Variants in TBX2 observed in about 807,000 individuals in gnomAD.
The protein encoded by TBX2 is T-box transcription factor 2, also known as T-box transcription factor TBX2.
TBX2 carries 19 observed loss-of-function variants against 48.4 expected under a neutral mutation model. The observed-to-expected ratio is 0.39, with a 90% CI of 0.27 to 0.58. TBX2 has a LOEUF of 0.58. Ranked by LOEUF, TBX2 falls within the 20% of genes least tolerant of loss-of-function variation. The pLI is 0.54. For missense variants in TBX2, 994 were observed against 1,006.5 expected (o/e 0.99, Z 0.17); for synonymous variants, 522 against 459.7 (o/e 1.14, Z -1.73).
chr17:61,402,925 A>T, intron 2 of TBX2, 136 bp from the exon 3 acceptor site: 1 of 760,438 alleles, frequency 1.3e-6, no homozygotes, highest in Non-Finnish European at 1.9e-6. Flanking sequence ...AAGAGGAAGA[A>T]CCGATAGAGA....
intron 2 of TBX2, 90 bp from the exon 3 acceptor site, chr17:61,402,950 GAGAGAGAGAGAGAGAGAGAGA>G (rs202026270): frequency 0.097 from 83,632 of 858,470 alleles, 2,102 homozygotes; most frequent in South Asian, 0.11. Context: ...GAGAGAGAGA[GAGAGAGAGAGAGAGAGAGAGA>G]AAGTGGAGAG....
At position 61,408,446 on chromosome 17, in the gene TBX2, A is replaced by G. The variant is rs549041111; in HGVS notation, c.2079A>G (p.Arg693=). The part of the protein sequence containing the change: ...EAANELQSIQ[R]LVSGLESQRA... ...CCAATGAACTGCAGAGCATCCAGAGACTGGTGAGTGGGCTGGAGAGCCAGC... is the reference window on the plus strand; with the variant it reads ...CCAATGAACTGCAGAGCATCCAGAGGCTGGTGAGTGGGCTGGAGAGCCAGC... Residue 693 remains arginine (R), a synonymous_variant, in exon 7 of 7, where the codon AGA becomes AGG. Coordinates refer to ENST00000240328, the MANE Select transcript of TBX2 (RefSeq NM_005994.4). 9 of 1,499,266 alleles carry G rather than the reference A, an allele frequency of 6.0e-6. 1 individual carries two copies. The South Asian group carries it at 1.2e-4, about 20-fold the overall frequency. 92.9% of individuals were successfully genotyped at this position (1,499,266 alleles called of 1,614,324 possible). A position where few individuals can be genotyped will look rare whatever the true frequency, so the allele number is the denominator to read the frequency against.
At chr17:61,404,868 C>T in intron 5 of TBX2, 99 bp downstream of exon 5, 1 of 1,490,602 alleles carries the variant, frequency 6.7e-7, no homozygotes, top group Non-Finnish European at 9.0e-7. Context: ...CCTGAAAGGC[C>T]AGGAAGGAAA....
chr17:61,405,098 T>C (rs1210187497), intron 5 of TBX2, 104 bp from the exon 6 acceptor site: 1 of 1,503,424 alleles, frequency 6.7e-7, no homozygotes, highest in African/African-American at 1.4e-5. Flanking sequence ...CTCCAGCAGC[T>C]CCTCCGACTC....
At position 61,403,540 on chromosome 17, in the gene TBX2, A is replaced by G. The variant is rs2060274294; in HGVS notation, c.810+333A>G. On this transcript the variant is annotated intron_variant, in intron 3 of 6. Transcript: ENST00000240328. This position sits in a 1 kb window ranked among gnomAD's most constrained non-coding sequence, Gnocchi z 5.8. ...TTATTCGTTTATTTCTTGGCTCAGG[A>G]ATGAGAATGTAAGTGAAGAGAGGGC... 6.6e-6 allele frequency among the ~76,000 whole-genome samples: 1 copy of G among 152,104 alleles called. No individual in the cohort carries two copies. The highest frequency in any genetic ancestry group is 1.5e-5 in the Non-Finnish European group (1 of 68,028).
In TBX2 at chr17:61,400,240, G is replaced by T. The variant is rs771778245; in HGVS notation, c.64G>T (p.Ala22Ser). Residue 22 changes from alanine (A) to serine (S), a missense_variant, in exon 1 of 7, where the codon GCC becomes TCC. Physicochemically the swap from Ala to Ser is moderately conservative, Grantham distance 99 (BLOSUM62 1). Transcript: ENST00000240328. The surrounding 1 kb of genome is among the most constrained non-coding windows in gnomAD (Gnocchi z 9.2). The part of the protein sequence containing the change: ...AYHPFHAPRP[A>S]DFPMSAFLAA... Reference sequence around the variant, plus strand: ...CCACCCGTTCCACGCGCCACGGCCCGCCGACTTCCCCATGTCCGCCTTTCT... The same window carrying T: ...CCACCCGTTCCACGCGCCACGGCCCTCCGACTTCCCCATGTCCGCCTTTCT... 2 of 1,214,234 alleles carry T rather than the reference G, an allele frequency of 1.6e-6. No individual in the cohort carries two copies. The highest frequency in any genetic ancestry group is 1.5e-5 in the South Asian group (1 of 65,600). The allele number at this position is 1,214,234 out of a possible 1,614,324, so 75.2% of individuals were successfully genotyped here. A position where few individuals can be genotyped will look rare whatever the true frequency, so the allele number is the denominator to read the frequency against.
chr17:61,400,368 G>A lies in TBX2; in HGVS notation c.192G>A (p.Ala64=), dbSNP rs1031103582. 1.5e-4 allele frequency: 155 copies of A among 1,060,750 alleles called. No homozygotes were observed. The highest frequency in any genetic ancestry group is 1.4e-4 in the Non-Finnish European group (123 of 881,196). The allele number at this position is 1,060,750 out of a possible 1,614,324, so 65.7% of individuals were successfully genotyped here. Reference sequence around the variant, plus strand: ...GCCTGGCGGGGGCGGCGGCCGCGGCGGCGGCGGCGGCAGCAGCGGCCGAGG... The same window carrying A: ...GCCTGGCGGGGGCGGCGGCCGCGGCAGCGGCGGCGGCAGCAGCGGCCGAGG... ...DPGLAGAAAA[A]AAAAAAAEAG... The change falls in exon 1 of 7, where the codon GCG becomes GCA. Residue 64 remains alanine, a synonymous_variant. Transcript: ENST00000240328. This position sits in a 1 kb window ranked among gnomAD's most constrained non-coding sequence, Gnocchi z 9.2.
rs146171999 is a variant in TBX2, at chr17:61,404,629, T to C, written c.911T>C (p.Leu304Pro). Reference protein sequence around the residue: ...EKRKQLTLPSLRLYEEHCKPE... With the variant: ...EKRKQLTLPSPRLYEEHCKPE... ...AGGAAGCAGCTGACGCTGCCGTCTC[T>C]ACGCTTGTACGAGGAGCACTGCAAA... Residue 304 changes from leucine (L) to proline (P), a missense_variant, in exon 5 of 7, where the codon CTA becomes CCA. Coordinates refer to ENST00000240328, the MANE Select transcript of TBX2 (RefSeq NM_005994.4). 3.6e-5 allele frequency: 57 copies of C among 1,581,450 alleles called. 2 individuals carry two copies. In the South Asian group the frequency reaches 4.9e-4, roughly 14 times the overall value.
Position 61,404,682 on chromosome 17 carries a change from G to T in TBX2, c.964G>T (p.Ala322Ser), listed in dbSNP as rs1164565625. 3 of 1,581,316 alleles carry T rather than the reference G, an allele frequency of 1.9e-6. No homozygotes were observed. The South Asian group carries it at 3.4e-5, about 18-fold the overall frequency. ...KPERDGAESD[A>S]SSCDPPPARE... ...CGAGCGCGATGGCGCGGAGTCAGAC[G>T]CCTCGTCGTGCGACCCTCCCCCCGC... is the stretch of plus-strand genomic sequence containing the variant. The change falls in exon 5 of 7, where the codon GCC becomes TCC. Residue 322 changes from alanine to serine, a missense_variant. Physicochemically the swap from Ala to Ser is moderately conservative, Grantham distance 99. This residue lies in a region of TBX2 where 639 missense variants were observed against 613.2 expected (regional missense o/e 1.04). Coordinates refer to ENST00000240328, the MANE Select transcript of TBX2 (RefSeq NM_005994.4).
rs535294444 is a variant in TBX2, at chr17:61,405,216, T to C, written c.1066T>C (p.Cys356Arg). The C allele has an allele frequency of 3.2e-6, 5 of 1,546,014 alleles. No homozygotes were observed. Among genetic ancestry groups the C allele is most frequent in the Non-Finnish European group, 4.3e-6 (5 of 1,155,442 alleles). Residue 356 changes from cysteine to arginine, a missense_variant, in exon 6 of 7, where the codon TGC (cysteine) becomes CGC (arginine). Cys to Arg is a radical substitution (Grantham distance 180, BLOSUM62 -3). Around this residue, in one of 5 missense-constraint regions of TBX2, gnomAD observed 639 missense variants for 613.2 expected, o/e 1.04. Coordinates refer to ENST00000240328, the MANE Select transcript of TBX2 (RefSeq NM_005994.4). ...LHRARAEEKS[C>R]AADSDPEPER... ...TCTCCCCGCAGCTGAGGAGAAGTCG[T>C]GCGCCGCGGACAGCGACCCGGAGCC...
intron 3 of TBX2, 53 bp from the exon 4 acceptor site, chr17:61,404,366 GAC>G (rs2060278496): frequency 6.5e-7 from 1 of 1,537,988 alleles, no homozygotes; most frequent in South Asian, 1.2e-5. Flanking sequence ...GGGTGCCACC[GAC>G]CACGCTGGAA....
At position 61,408,347 on chromosome 17, in the gene TBX2, C is replaced by A; in HGVS notation, c.1980C>A (p.Pro660=). ...ACAGCCGGGAGCCTAGCCCCCTGCC[C>A]GAGCTGGCTCTCCGCAAAGTAGGGG... ...GGNSREPSPL[P]ELALRKVGAP... is the part of the protein sequence containing the mutation. The change falls in exon 7 of 7, where the codon CCC becomes CCA. Residue 660 remains proline, a synonymous_variant. Coordinates refer to ENST00000240328, the MANE Select transcript of TBX2 (RefSeq NM_005994.4). 1 of 1,596,246 alleles carries A rather than the reference C, an allele frequency of 6.3e-7. No homozygotes were observed. Among genetic ancestry groups the A allele is most frequent in the African/African-American group, 1.3e-5 (1 of 74,330 alleles).
At position 61,408,275 on chromosome 17, in the gene TBX2, C is replaced by G; in HGVS notation, c.1908C>G (p.Leu636=). Residue 636 remains leucine (L), a synonymous_variant, in exon 7 of 7, where the codon CTC becomes CTG. Transcript: ENST00000240328. ...IPVTIPPSTS[L]LTTGLASEGS... ...TCACCATCCCGCCTAGCACTAGCCT[C>G]CTCACCACCGGGCTGGCCTCTGAGG... The G allele has an allele frequency of 6.2e-7, 1 of 1,612,786 alleles. No individual in the cohort carries two copies. Among genetic ancestry groups the G allele is most frequent in the Non-Finnish European group, 8.5e-7 (1 of 1,179,924 alleles).
In TBX2 at chr17:61,401,611, T is replaced by C. The variant is rs142289417; in HGVS notation, c.396-73T>C. 3,090 of 1,531,720 alleles carry C rather than the reference T, an allele frequency of 2.0e-3. 9 individuals are homozygous for C. Among genetic ancestry groups the C allele is most frequent in the Admixed American group, 4.4e-3 (229 of 52,594 alleles). The allele number at this position is 1,531,720 out of a possible 1,614,324, so 94.9% of individuals were successfully genotyped here. A position where few individuals can be genotyped will look rare whatever the true frequency, so the allele number is the denominator to read the frequency against. Reference sequence around the variant, plus strand: ...GGTGTGCGCAACGAGGAGGGATAAATAAAGGAGGAGTGGGGTCCTGGAACC... The same window carrying C: ...GGTGTGCGCAACGAGGAGGGATAAACAAAGGAGGAGTGGGGTCCTGGAACC... On this transcript the variant is annotated intron_variant, in intron 1 of 6. Coordinates refer to ENST00000240328, the MANE Select transcript of TBX2 (RefSeq NM_005994.4).
At position 61,403,320 on chromosome 17, in the gene TBX2, G is replaced by A; in HGVS notation, c.810+113G>A. Reference sequence around the variant, plus strand: ...CCCCCTGCACGGGATCCGCGCTCTTGCGGCCCGCCCCCGAGCACCGAGCCT... The same window carrying A: ...CCCCCTGCACGGGATCCGCGCTCTTACGGCCCGCCCCCGAGCACCGAGCCT... On this transcript the variant is annotated intron_variant, in intron 3 of 6. Transcript: ENST00000240328. This position sits in a 1 kb window ranked among gnomAD's most constrained non-coding sequence, Gnocchi z 5.8. The A allele has an allele frequency of 2.0e-6, 3 of 1,493,284 alleles. No homozygotes were observed. The highest frequency in any genetic ancestry group is 2.7e-6 in the Non-Finnish European group (3 of 1,121,530). 92.5% of individuals were successfully genotyped at this position (1,493,284 alleles called of 1,614,324 possible).
intron 1 of TBX2, 53 bp from the exon 2 acceptor site, chr17:61,401,631 G>A: frequency 6.4e-7 from 1 of 1,567,084 alleles, no homozygotes; most frequent in South Asian, 1.2e-5. Context: ...GTGGGGTCCT[G>A]GAACCTAGAA....
chr17:61,406,805 G>A lies in TBX2; in HGVS notation c.1686+969G>A, dbSNP rs2060291042. ...GTTTTACACACAGCTCAGTGTTAGG[G>A]TGTGTGGAGTGTTTGAGGTATCACC... is the stretch of plus-strand genomic sequence containing the variant. On this transcript the variant is annotated intron_variant, in intron 6 of 6. Transcript: ENST00000240328. The surrounding 1 kb of genome is among the most constrained non-coding windows in gnomAD (Gnocchi z 5.7). 1 of 152,222 alleles carries A rather than the reference G, an allele frequency of 6.6e-6. No homozygotes were observed. Among genetic ancestry groups the A allele is most frequent in the Non-Finnish European group, 1.5e-5 (1 of 68,038 alleles). 9.4% of individuals were successfully genotyped at this position (152,222 alleles called of 1,614,324 possible).
chr17:61,406,212 AT>A lies in TBX2; in HGVS notation c.1686+381del. On this transcript the variant is annotated intron_variant, in intron 6 of 6. Coordinates refer to ENST00000240328, the MANE Select transcript of TBX2 (RefSeq NM_005994.4). This position sits in a 1 kb window ranked among gnomAD's most constrained non-coding sequence, Gnocchi z 5.7. ...AAGTCTTCTCTCCTGGCCTCAGGAC[AT>A]TTTTCTTGAGAACAAAGACCCTTGG... The A allele has an allele frequency of 4.8e-6, 1 of 208,646 alleles. No homozygotes were observed. The highest frequency in any genetic ancestry group is 1.0e-4 in the East Asian group (1 of 9,774). 12.9% of individuals were successfully genotyped at this position (208,646 alleles called of 1,614,324 possible). A position where few individuals can be genotyped will look rare whatever the true frequency, so the allele number is the denominator to read the frequency against.
chr17:61,403,172 G>A lies in TBX2; in HGVS notation c.775G>A (p.Asp259Asn), dbSNP rs2060272148. ...TFRTYVFPET[D>N]FIAVTAYQND... ...CCGCACCTACGTGTTCCCGGAGACC[G>A]ACTTCATCGCCGTCACTGCCTACCA... The change falls in exon 3 of 7, where the codon GAC becomes AAC. Residue 259 changes from aspartate to asparagine, a missense_variant. Physicochemically the swap from Asp to Asn is conservative, Grantham distance 23 (BLOSUM62 1). This residue lies in a region of TBX2 where 153 missense variants were observed against 166.2 expected (regional missense o/e 0.92). Transcript: ENST00000240328. The surrounding 1 kb of genome is among the most constrained non-coding windows in gnomAD (Gnocchi z 5.8). 3.7e-6 allele frequency: 6 copies of A among 1,613,510 alleles called. No homozygotes were observed. Among genetic ancestry groups the A allele is most frequent in the Non-Finnish European group, 5.1e-6 (6 of 1,180,002 alleles).
Sources: allele counts gnomAD v4.1 joint callset (sites outside exome capture counted in the v4.1 genomes callset), GRCh38; gene constraint gnomAD v4.1.1; regional missense constraint gnomAD v4.1.1; non-coding constraint Gnocchi (gnomAD v3.1); transcripts MANE v1.5; gene names NCBI Gene and HGNC (gene_info 2026-07-23, HGNC 2026-07-21).